COLEC12: variants seen among roughly 807,000 people sequenced by gnomAD.
COLEC12 encodes collectin-12.
In COLEC12, 33 loss-of-function variants were observed where a neutral mutation model predicts 71.1. That is an observed-to-expected ratio of 0.46 (90% CI 0.35 to 0.62). COLEC12 has a LOEUF of 0.62. COLEC12 is among the 20% of genes least tolerant of loss of function. The pLI, the probability that COLEC12 is intolerant of heterozygous loss-of-function variation, is 0.00. For synonymous variants in COLEC12, 350 were observed against 353.0 expected (o/e 0.99, Z 0.10); for missense variants, 765 against 916.1 (o/e 0.84, Z 2.13).
At chr18:378,519 G>A (rs1002413462) in intron 2 of COLEC12, among the ~76,000 whole-genome samples, 3 of 152,314 alleles carry the variant, frequency 2.0e-5, no homozygotes, top group East Asian at 1.9e-4. Flanking sequence ...GGCCCACAGG[G>A]TGTGGCCACT....
At chr18:457,807 G>A (rs575843862) in intron 2 of COLEC12, among the ~76,000 whole-genome samples, 4 of 152,292 alleles carry the variant, frequency 2.6e-5, no homozygotes, top group Admixed American at 6.5e-5. Context: ...CCTTCATTGC[G>A]CATTTTTCAA....
chr18:422,681 A>C (rs960297528), intron 2 of COLEC12, among the ~76,000 whole-genome samples: 5 of 151,996 alleles, frequency 3.3e-5, no homozygotes, highest in Non-Finnish European at 7.4e-5. Flanking sequence ...TTATTTACAA[A>C]ATACATACAC....
chr18:398,949 A>G (rs1915624606), intron 2 of COLEC12, among the ~76,000 whole-genome samples: 1 of 152,218 alleles, frequency 6.6e-6, no homozygotes, highest in African/African-American at 2.4e-5. Flanking sequence ...CAAGAAGGAA[A>G]GAGGGAATTA....
chr18:437,298 G>A (rs114158092), intron 2 of COLEC12, among the ~76,000 whole-genome samples: 3,426 of 152,288 alleles, frequency 0.022, 44 homozygotes, highest in Middle Eastern at 0.037. Flanking sequence ...TGGGCCACCA[G>A]GCACATGTTC....
chr18:350,310 A>T (rs1020298656), intron 3 of COLEC12, among the ~76,000 whole-genome samples: 2 of 152,102 alleles, frequency 1.3e-5, no homozygotes, highest in African/African-American at 2.4e-5. Context: ...CTGCCGTGTA[A>T]GAAGTGCCTT....
intron 5 of COLEC12, among the ~76,000 whole-genome samples, chr18:337,577 G>A (rs1203402382): frequency 1.3e-5 from 2 of 152,182 alleles, no homozygotes; most frequent in Non-Finnish European, 2.9e-5. Flanking sequence ...TCTTTCTAGT[G>A]TTATCTGCTC....
chr18:422,861 G>T (rs151221038), intron 2 of COLEC12, among the ~76,000 whole-genome samples: 2,642 of 152,208 alleles, frequency 0.017, 36 homozygotes, highest in Non-Finnish European at 0.029. Context: ...TTCCTACTTT[G>T]ATTTTTTGTT....
chr18:436,912 T>C (rs1383550879), intron 2 of COLEC12, among the ~76,000 whole-genome samples: 1 of 152,236 alleles, frequency 6.6e-6, no homozygotes, highest in Non-Finnish European at 1.5e-5. Flanking sequence ...AAAATATCTG[T>C]TAATTAATTG....
chr18:438,345 C>T (rs2143688535), intron 2 of COLEC12, among the ~76,000 whole-genome samples: 1 of 152,204 alleles, frequency 6.6e-6, no homozygotes, highest in Middle Eastern at 3.4e-3. Flanking sequence ...AAAATTCATT[C>T]CAAATTTTAA....
chr18:491,985 C>A (rs1598382216), intron 1 of COLEC12, among the ~76,000 whole-genome samples: 1 of 152,154 alleles, frequency 6.6e-6, no homozygotes, highest in African/African-American at 2.4e-5. Flanking sequence ...GAACTCAATG[C>A]AGCGTAACAA....
chr18:449,651 C>T, intron 2 of COLEC12, among the ~76,000 whole-genome samples: 1 of 152,218 alleles, frequency 6.6e-6, no homozygotes, highest in East Asian at 1.9e-4. Context: ...CCAGCACTGC[C>T]CCTCTCAATC....
At chr18:455,390 G>C (rs570443103) in intron 2 of COLEC12, among the ~76,000 whole-genome samples, 1 of 149,410 alleles carries the variant, frequency 6.7e-6, no homozygotes. Flanking sequence ...CCATTCTCCT[G>C]CCTCAACCTC....
intron 2 of COLEC12, among the ~76,000 whole-genome samples, chr18:368,728 T>C (rs539629447): frequency 8.4e-4 from 127 of 151,872 alleles, no homozygotes; most frequent in Middle Eastern, 3.4e-3. Context: ...TAGCCGGGCG[T>C]GGTGGCGGGC....
At chr18:493,057 G>A (rs1004266349) in intron 1 of COLEC12, among the ~76,000 whole-genome samples, 4 of 152,160 alleles carry the variant, frequency 2.6e-5, no homozygotes, top group African/African-American at 4.8e-5. Flanking sequence ...ACAAAAATTA[G>A]TTGGCCATGG....
intron 8 of COLEC12, among the ~76,000 whole-genome samples, chr18:329,827 C>T (rs980600236): frequency 2.0e-5 from 3 of 152,148 alleles, no homozygotes; most frequent in Non-Finnish European, 4.4e-5. Context: ...CCTCTGATCC[C>T]AGTGCTTTGC....
At chr18:352,352 T>C (rs1339702755) in intron 3 of COLEC12, among the ~76,000 whole-genome samples, 1 of 152,194 alleles carries the variant, frequency 6.6e-6, no homozygotes, top group East Asian at 1.9e-4. Context: ...CCTTCTTTCC[T>C]GGAAGCCAAA....
At chr18:420,499 C>T (rs935828330) in intron 2 of COLEC12, among the ~76,000 whole-genome samples, 4 of 151,990 alleles carry the variant, frequency 2.6e-5, no homozygotes, top group African/African-American at 9.7e-5. Flanking sequence ...ACAGCAGAAA[C>T]ATAAAGAGTC....
chr18:453,409 C>G (rs953937170), intron 2 of COLEC12, among the ~76,000 whole-genome samples: 3 of 152,128 alleles, frequency 2.0e-5, no homozygotes, highest in African/African-American at 7.2e-5. Flanking sequence ...CCAGTTTCCC[C>G]TGACCAGCAT....
chr18:332,912 C>A (rs1914016455), intron 7 of COLEC12, 95 bp downstream of exon 7: 9 of 1,141,086 alleles, frequency 7.9e-6, no homozygotes, highest in Non-Finnish European at 1.1e-5. Context: ...ACTAGGAATT[C>A]GTGATATCTC....
Sources: allele counts gnomAD v4.1 joint callset (sites outside exome capture counted in the v4.1 genomes callset), GRCh38; gene constraint gnomAD v4.1.1; transcripts MANE v1.5; gene names NCBI Gene and HGNC (gene_info 2026-07-23, HGNC 2026-07-21).